PAXBP1: variants seen among roughly 807,000 people sequenced by gnomAD.
The protein encoded by PAXBP1 is PAX3 and PAX7 binding protein 1, also known as PAX3- and PAX7-binding protein 1.
In PAXBP1, 44 loss-of-function variants were observed where a neutral mutation model predicts 119.9. The observed-to-expected ratio is 0.37, with a 90% CI of 0.29 to 0.47. The LOEUF (loss-of-function observed/expected upper bound fraction) is 0.47, where lower values mean the gene tolerates loss of function less well. Ranked by LOEUF, PAXBP1 falls within the 20% of genes least tolerant of loss-of-function variation. The pLI is 0.99. For synonymous variants in PAXBP1, 393 were observed against 406.6 expected (o/e 0.97, Z 0.40); for missense variants, 898 against 1,134.1 (o/e 0.79, Z 2.99).
intron 8 of PAXBP1, among the ~76,000 whole-genome samples, chr21:32,753,694 A>C (rs1601597702): frequency 6.6e-6 from 1 of 152,200 alleles, no homozygotes; most frequent in African/African-American, 2.4e-5. Context: ...AATCTTTGGC[A>C]ATTAATGTAT....
chr21:32,764,443 T>C lies in PAXBP1; in HGVS notation c.554A>G (p.Asp185Gly), dbSNP rs1456525054. Residue 185 changes from aspartate to glycine, a missense_variant, in exon 3 of 18, where the codon GAT becomes GGT. Asp to Gly is a moderately conservative substitution (Grantham distance 94). This residue lies in a region of PAXBP1 where 299 missense variants were observed against 281.4 expected (regional missense o/e 1.06). Coordinates refer to ENST00000331923, the MANE Select transcript of PAXBP1 (RefSeq NM_016631.4). ...DGVIISEHGE[D>G]EMDMESEKEE... ...TTTTTCACTTTCCATATCCATTTCATCTTCACCATGTTCACTGATGATAAC... is the reference window on the plus strand; with the variant it reads ...TTTTTCACTTTCCATATCCATTTCACCTTCACCATGTTCACTGATGATAAC... 1.2e-6 allele frequency: 2 copies of C among 1,613,784 alleles called. No homozygotes were observed. Among genetic ancestry groups the C allele is most frequent in the East Asian group, 2.2e-5 (1 of 44,804 alleles).
At chr21:32,764,610 A>C (rs779317528) in intron 2 of PAXBP1, 86 bp from the exon 3 acceptor site, 25 of 1,062,260 alleles carry the variant, frequency 2.4e-5, no homozygotes, top group Non-Finnish European at 3.1e-5. Context: ...ATCATTAAAA[A>C]TTTTTTTAAT....
At chr21:32,737,820 C>T (rs1319383933) in intron 16 of PAXBP1, among the ~76,000 whole-genome samples, 1 of 152,104 alleles carries the variant, frequency 6.6e-6, no homozygotes, top group Non-Finnish European at 1.5e-5. Context: ...CACGAATAGA[C>T]ATCCATGCAT....
intron 3 of PAXBP1, among the ~76,000 whole-genome samples, chr21:32,762,559 CG>C (rs1345327616): frequency 6.7e-6 from 1 of 150,292 alleles, no homozygotes; most frequent in African/African-American, 2.4e-5. Context: ...AAGAGTGGGA[CG>C]GGGTAAAAAG....
Position 32,746,740 on chromosome 21 carries a change from T to A in PAXBP1, c.1924-1022A>T, listed in dbSNP as rs560347650. Among the ~76,000 whole-genome samples the A allele has an allele frequency of 2.4e-4, 36 of 152,324 alleles. No homozygotes were observed. The South Asian group carries it at 7.2e-3, about 31-fold the overall frequency. On this transcript the variant is annotated intron_variant, in intron 11 of 17. Coordinates refer to ENST00000331923, the MANE Select transcript of PAXBP1 (RefSeq NM_016631.4). ...CCCAGCAATCCCATTACTGGGTATA[T>A]ACCTACAGAAATATAAATCATTCTA...
intron 5 of PAXBP1, among the ~76,000 whole-genome samples, 172 bp downstream of exon 5, chr21:32,760,887 C>CTGTG (rs2044129341): frequency 1.5e-5 from 2 of 137,908 alleles, no homozygotes; most frequent in African/African-American, 5.6e-5. Flanking sequence ...CTACGTGTCT[C>CTGTG]TGTGTGCGTG....
At chr21:32,738,775 G>A (rs952448906) in intron 15 of PAXBP1, among the ~76,000 whole-genome samples, 6 of 151,884 alleles carry the variant, frequency 4.0e-5, no homozygotes, top group African/African-American at 1.5e-4. Context: ...TGCATCTCAA[G>A]CTACCCAAGC....
chr21:32,755,512 T>G, intron 7 of PAXBP1, 159 bp from the exon 8 acceptor site: 1 of 838,360 alleles, frequency 1.2e-6, no homozygotes, highest in Non-Finnish European at 1.8e-6. Flanking sequence ...TGTTTTATGT[T>G]TGGGAAACGA....
intron 5 of PAXBP1, among the ~76,000 whole-genome samples, chr21:32,760,249 T>C (rs1194194172): frequency 6.6e-6 from 1 of 152,138 alleles, no homozygotes; most frequent in East Asian, 1.9e-4. Flanking sequence ...CAAAAATCAT[T>C]TAAGGCCACC....
intron 7 of PAXBP1, 144 bp downstream of exon 7, chr21:32,758,936 A>C: frequency 2.7e-6 from 2 of 741,132 alleles, no homozygotes. Context: ...AATGAAGTGA[A>C]GAAAAATGAA....
intron 8 of PAXBP1, among the ~76,000 whole-genome samples, chr21:32,753,549 T>A (rs1413289853): frequency 6.6e-6 from 1 of 152,200 alleles, no homozygotes; most frequent in Non-Finnish European, 1.5e-5. Context: ...CCTCCATTTC[T>A]GTAAGAATTA....
chr21:32,737,664 T>A (rs1288427968), intron 16 of PAXBP1, among the ~76,000 whole-genome samples: 1 of 152,210 alleles, frequency 6.6e-6, no homozygotes, highest in Non-Finnish European at 1.5e-5. Flanking sequence ...AGTAAATTAG[T>A]AACATAAAAC....
chr21:32,771,516 A>C lies in PAXBP1; in HGVS notation c.153T>G (p.Pro51=). Residue 51 remains proline, a synonymous_variant, in exon 1 of 18, where the codon CCT becomes CCG. Coordinates refer to ENST00000331923, the MANE Select transcript of PAXBP1 (RefSeq NM_016631.4). ...EAGPGGGDRA[P]GGESLLGPGP... ...CCGGGCCCAGCAGCGACTCCCCGCC[A>C]GGGGCCCTGTCGCCGCCACCGGGGC... 3.8e-6 allele frequency: 5 copies of C among 1,332,756 alleles called. No homozygotes were observed. Among genetic ancestry groups the C allele is most frequent in the Non-Finnish European group, 4.8e-6 (5 of 1,047,876 alleles). 82.6% of individuals were successfully genotyped at this position (1,332,756 alleles called of 1,614,324 possible).
Position 32,759,957 on chromosome 21 carries a change from T to C in PAXBP1, c.1013A>G (p.Tyr338Cys). The C allele has an allele frequency of 1.9e-6, 3 of 1,614,090 alleles. No individual in the cohort carries two copies. The highest frequency in any genetic ancestry group is 1.1e-5 in the South Asian group (1 of 91,086). The change falls in exon 6 of 18, where the codon TAC becomes TGC. Residue 338 changes from tyrosine to cysteine, a missense_variant. Coordinates refer to ENST00000331923, the MANE Select transcript of PAXBP1 (RefSeq NM_016631.4). Reference sequence around the variant, plus strand: ...AGGCATTGTCTGGTAAGTGTTCTGGTAGTACATATTCACTTCTGCGGGTTG... The same window carrying C: ...AGGCATTGTCTGGTAAGTGTTCTGGCAGTACATATTCACTTCTGCGGGTTG... ...ASQPAEVNMY[Y>C]QNTYQTMPYG... is the part of the protein sequence containing the mutation.
At chr21:32,757,699 C>T (rs1601601303) in intron 7 of PAXBP1, among the ~76,000 whole-genome samples, 1 of 152,186 alleles carries the variant, frequency 6.6e-6, no homozygotes, top group Admixed American at 6.5e-5. Flanking sequence ...CGCCAAGACA[C>T]TTCAAGAAGC....
At chr21:32,748,911 G>C (rs1236237050) in intron 10 of PAXBP1, among the ~76,000 whole-genome samples, 1 of 152,128 alleles carries the variant, frequency 6.6e-6, no homozygotes, top group Non-Finnish European at 1.5e-5. Flanking sequence ...TCCTTGTTTT[G>C]CAGTTCCAGT....
In PAXBP1 at chr21:32,751,860, T is replaced by C. The variant is rs1458918745; in HGVS notation, c.1508-642A>G. ...ATTTTCCATTTCTCAAAAAACATTC[T>C]AGGGTAATTTCCTAGCTTTAGCTTC... is the stretch of plus-strand genomic sequence containing the variant. On this transcript the variant is annotated intron_variant, in intron 8 of 17. Transcript: ENST00000331923. 3 of 152,402 alleles carry C rather than the reference T, an allele frequency of 2.0e-5. No individual in the cohort carries two copies. The East Asian group carries it at 5.8e-4, about 29-fold the overall frequency. The allele number at this position is 152,402 out of a possible 1,614,324, so 9.4% of individuals were successfully genotyped here. A position where few individuals can be genotyped will look rare whatever the true frequency, so the allele number is the denominator to read the frequency against.
intron 9 of PAXBP1, 31 bp from the exon 10 acceptor site, chr21:32,751,063 G>C: frequency 6.2e-7 from 1 of 1,612,838 alleles, no homozygotes; most frequent in Non-Finnish European, 8.5e-7. Flanking sequence ...TCCCAAACTA[G>C]ATAACAGAGA....
chr21:32,771,577 GGCGGCGGCTCCTGCTCCTCATC>G lies in PAXBP1; in HGVS notation c.70_91del (p.Asp24ArgfsTer37). The G allele has an allele frequency of 7.0e-7, 1 of 1,437,634 alleles. No individual in the cohort carries two copies. Among genetic ancestry groups the G allele is most frequent in the Non-Finnish European group, 9.1e-7 (1 of 1,099,252 alleles). 89.1% of individuals were successfully genotyped at this position (1,437,634 alleles called of 1,614,324 possible). ...GCCCGTGCCCGGCGGCGGCAACAAC[GGCGGCGGCTCCTGCTCCTCATC>G]GCGTTCCCGCTCTTCCTCTTCGGAG... On this transcript the variant is annotated frameshift_variant, in exon 1 of 18. Coordinates refer to ENST00000331923, the MANE Select transcript of PAXBP1 (RefSeq NM_016631.4). LOFTEE classifies it high-confidence loss of function.
Sources: gnomAD v4.1 joint callset for allele counts (sites outside exome capture counted in the v4.1 genomes callset) on GRCh38, gnomAD v4.1.1 for gene constraint, gnomAD v4.1.1 regional missense constraint, MANE v1.5 for transcripts, NCBI Gene and HGNC (gene_info 2026-07-23, HGNC 2026-07-21) for gene names.